RYR2: variants seen among roughly 807,000 people sequenced by gnomAD.
RYR2 encodes the protein cardiac muscle ryanodine receptor-calcium release channel.
A neutral mutation model predicts 601.1 loss-of-function variants in RYR2; 227 were observed. The observed-to-expected ratio is 0.38, with a 90% CI of 0.34 to 0.42. The LOEUF (loss-of-function observed/expected upper bound fraction) is 0.42. Ranked by LOEUF, RYR2 falls within the 10% of genes least tolerant of loss-of-function variation. RYR2 has a pLI of 1.00. For missense variants in RYR2, 4,646 were observed against 6,156.5 expected (o/e 0.75, Z 8.21); for synonymous variants, 2,223 against 2,175.1 (o/e 1.02, Z -0.61).
intron 1 of RYR2, among the ~76,000 whole-genome samples, chr1:237,133,484 T>C (rs1364909775): frequency 1.3e-5 from 2 of 152,144 alleles, no homozygotes; most frequent in African/African-American, 2.4e-5. Context: ...GTTGAGTTAT[T>C]TGTTGGAAGT....
In RYR2 at chr1:237,784,063, T is replaced by C; in HGVS notation, c.12351T>C (p.Thr4117=). Reference sequence around the variant, plus strand: ...TGCCCAACGATACCCGACTTCAGACTTTTCTGGAATTAGCAGAGAGCGTCC... The same window carrying C: ...TGCCCAACGATACCCGACTTCAGACCTTTCTGGAATTAGCAGAGAGCGTCC... The part of the protein sequence containing the change: ...EHMPNDTRLQ[T]FLELAESVLN... The change falls in exon 90 of 105, where the codon ACT becomes ACC. Residue 4117 remains threonine (T), a synonymous_variant. Transcript: ENST00000366574. This position sits in a 1 kb window ranked among gnomAD's most constrained non-coding sequence, Gnocchi z 7.1. The C allele has an allele frequency of 6.2e-7, 1 of 1,614,040 alleles. No homozygotes were observed. The highest frequency in any genetic ancestry group is 8.5e-7 in the Non-Finnish European group (1 of 1,179,896).
At chr1:237,673,587 G>A (rs1194329228) in intron 58 of RYR2, among the ~76,000 whole-genome samples, 1 of 152,096 alleles carries the variant, frequency 6.6e-6, no homozygotes, top group Non-Finnish European at 1.5e-5. Context: ...ATATGGTTTT[G>A]TGTATTTATA....
intron 14 of RYR2, among the ~76,000 whole-genome samples, chr1:237,447,855 T>A (rs1291575636): frequency 2.0e-5 from 2 of 99,614 alleles, no homozygotes; most frequent in Non-Finnish European, 4.0e-5. Context: ...CCTCCCTCCC[T>A]CCCTCTTTTC....
At chr1:237,669,413 T>C (rs1425869524) in intron 58 of RYR2, among the ~76,000 whole-genome samples, 15 of 151,958 alleles carry the variant, frequency 9.9e-5, no homozygotes, top group South Asian at 8.3e-4. Flanking sequence ...GACGGGGTGG[T>C]GGCCTGGCAG....
chr1:237,105,709 CT>C (rs1000684940), intron 1 of RYR2, among the ~76,000 whole-genome samples: 1 of 151,974 alleles, frequency 6.6e-6, no homozygotes, highest in African/African-American at 2.4e-5. Context: ...AAATTGGCAG[CT>C]GTAGTCCCAA....
chr1:237,052,735 A>C (rs934157641), intron 1 of RYR2, among the ~76,000 whole-genome samples: 3 of 152,174 alleles, frequency 2.0e-5, no homozygotes, highest in African/African-American at 7.2e-5. Context: ...GGGAAGAACA[A>C]CATATTGAAG....
chr1:237,556,119 C>T (rs1213077255), intron 27 of RYR2, among the ~76,000 whole-genome samples: 1 of 151,978 alleles, frequency 6.6e-6, no homozygotes, highest in African/African-American at 2.4e-5. Flanking sequence ...ATTTCATCTT[C>T]GTAACACCGT....
In RYR2 at chr1:237,388,180, G is replaced by A. The variant is rs1023176208; in HGVS notation, c.770G>A (p.Arg257Gln). ...VPSGEHGEEQ[R>Q]RTVHYEGGAV... ...TCAGGAGAACATGGTGAAGAGCAGC[G>A]GAGGTTAGTACCTGAGCTCATTGCA... The change falls in exon 10 of 105, where the codon CGG becomes CAG. Residue 257 changes from arginine to glutamine, a missense_variant. This residue lies in a region of RYR2 where 87 missense variants were observed against 144.7 expected (regional missense o/e 0.60). Transcript: ENST00000366574. The A allele has an allele frequency of 4.3e-6, 7 of 1,613,210 alleles. No individual in the cohort carries two copies. Among genetic ancestry groups the A allele is most frequent in the African/African-American group, 2.7e-5 (2 of 75,048 alleles).
intron 10 of RYR2, among the ~76,000 whole-genome samples, chr1:237,409,740 C>A (rs921422964): frequency 3.9e-5 from 6 of 152,102 alleles, no homozygotes; most frequent in Admixed American, 6.6e-5. Context: ...TACTTCCCTG[C>A]ATTGCAGTAA....
intron 51 of RYR2, among the ~76,000 whole-genome samples, chr1:237,654,023 G>T (rs1683007872): frequency 6.6e-6 from 1 of 151,984 alleles, no homozygotes; most frequent in Admixed American, 6.6e-5. Flanking sequence ...ATCTCCTTTG[G>T]CAACCCCCTC....
chr1:237,342,177 C>A (rs907203419), intron 3 of RYR2, among the ~76,000 whole-genome samples: 1 of 147,478 alleles, frequency 6.8e-6, no homozygotes, highest in Non-Finnish European at 1.5e-5. Context: ...TGAGTTAATT[C>A]TTGCTCTGTT....
chr1:237,325,685 CT>C (rs1424518764), intron 2 of RYR2, among the ~76,000 whole-genome samples: 1 of 151,292 alleles, frequency 6.6e-6, no homozygotes, highest in Non-Finnish European at 1.5e-5. Flanking sequence ...CAGACTCTGT[CT>C]CAAAAACAAA....
rs530891179 is a variant in RYR2, at chr1:237,276,615, C to T, written c.168+5999C>T. On this transcript the variant is annotated intron_variant, in intron 2 of 104. Transcript: ENST00000366574. ...AGCCTAATCAAGGATAAAGGGAGTA[C>T]AAATATTTGATTATTAGAAGTTACA... Among the ~76,000 whole-genome samples the T allele has an allele frequency of 2.8e-4, 42 of 152,040 alleles. 1 individual carries two copies. Among genetic ancestry groups the T allele is most frequent in the Admixed American group, 2.8e-3 (42 of 15,266 alleles).
intron 29 of RYR2, among the ~76,000 whole-genome samples, chr1:237,577,080 A>G (rs989301252): frequency 1.3e-5 from 2 of 152,144 alleles, no homozygotes; most frequent in African/African-American, 2.4e-5. Context: ...ATATTCACAT[A>G]CCCATGACCC....
intron 18 of RYR2, 104 bp from the exon 19 acceptor site, chr1:237,492,850 A>C: frequency 1.7e-6 from 2 of 1,170,698 alleles, no homozygotes; most frequent in Non-Finnish European, 2.3e-6. Flanking sequence ...GAAGGAAGGA[A>C]GGAAGGAAGG....
Position 237,770,856 on chromosome 1 carries a change from C to G in RYR2, c.11526C>G (p.Phe3842Leu). 6.4e-7 allele frequency: 1 copy of G among 1,552,148 alleles called. No individual in the cohort carries two copies. The change falls in exon 85 of 105, where the codon TTC becomes TTG. Residue 3842 changes from phenylalanine (F) to leucine (L), a missense_variant. Phe to Leu is a conservative substitution (Grantham distance 22). Transcript: ENST00000366574. ...DDEFTCDLFR[F>L]LQLLCEGHNS... ...AGTTCACCTGTGACCTCTTCCGATT[C>G]CTGCAACTACTCTGTGAGGGACACA...
chr1:237,823,930 A>C (rs1215594928), intron 101 of RYR2, among the ~76,000 whole-genome samples: 1 of 152,242 alleles, frequency 6.6e-6, no homozygotes, highest in African/African-American at 2.4e-5. Flanking sequence ...AAAATCTAGA[A>C]GAAATGGATA....
chr1:237,397,225 G>A (rs951879956), intron 10 of RYR2, among the ~76,000 whole-genome samples: 3 of 150,912 alleles, frequency 2.0e-5, no homozygotes, highest in Non-Finnish European at 4.4e-5. Flanking sequence ...CTGACAGAGC[G>A]AGACTGTTTC....
intron 56 of RYR2, among the ~76,000 whole-genome samples, chr1:237,662,897 A>G (rs1172046581): frequency 1.3e-5 from 2 of 152,234 alleles, no homozygotes; most frequent in African/African-American, 4.8e-5. Context: ...CTTTCTAAAG[A>G]TGTACCTTTG....
Sources: allele counts gnomAD v4.1 joint callset (sites outside exome capture counted in the v4.1 genomes callset), GRCh38; gene constraint gnomAD v4.1.1; regional missense constraint gnomAD v4.1.1; non-coding constraint Gnocchi (gnomAD v3.1); transcripts MANE v1.5; gene names NCBI Gene and HGNC (gene_info 2026-07-23, HGNC 2026-07-21).